Variants in LYSMD1 observed in about 807,000 individuals in gnomAD.
The protein encoded by LYSMD1 is lysM and putative peptidoglycan-binding domain-containing protein 1.
Under a neutral mutation model 19.3 loss-of-function variants are expected in LYSMD1, and 9 were observed. That is an observed-to-expected ratio of 0.47 (90% CI 0.28 to 0.81). LYSMD1 has a LOEUF of 0.81. Among genes scored for constraint, LYSMD1 ranks in the 40% least tolerant of loss-of-function variants. The pLI is 0.11. For missense variants in LYSMD1, 262 were observed against 279.8 expected (o/e 0.94, Z 0.45); for synonymous variants, 111 against 111.7 (o/e 0.99, Z 0.04).
At chr1:151,158,729 T>G, downstream of LYSMD1, 1 of 1,610,754 alleles carries the variant, frequency 6.2e-7, no homozygotes, top group Admixed American at 1.7e-5. Flanking sequence ...AGCCTGGCAC[T>G]GCAAGCAGAG....
the LYSMD1 span, among the ~76,000 whole-genome samples, chr1:151,152,430 G>A: frequency 1.3e-4 from 19 of 148,416 alleles, no homozygotes; most frequent in Admixed American, 4.1e-4. Context: ...GGACAGGCAC[G>A]GTGGTTCACA....
At chr1:151,164,690 TAG>T (rs1480048661) in intron 1 of LYSMD1, among the ~76,000 whole-genome samples, 1 of 152,204 alleles carries the variant, frequency 6.6e-6, no homozygotes, top group African/African-American at 2.4e-5. Flanking sequence ...GTGTGGTTAA[TAG>T]AGTCAGACAG....
At chr1:151,152,071 G>C in the LYSMD1 span, among the ~76,000 whole-genome samples, 1 of 151,362 alleles carries the variant, frequency 6.6e-6, no homozygotes. Context: ...ATGGCTCAGA[G>C]GAAAAACAAC....
chr1:151,158,090 C>T (rs1447874354), downstream of LYSMD1, among the ~76,000 whole-genome samples: 8 of 151,844 alleles, frequency 5.3e-5, no homozygotes, highest in South Asian at 8.3e-4. Flanking sequence ...TTTGGGAGGC[C>T]GAGGTGGGCA....
chr1:151,148,676 G>C, the LYSMD1 span, among the ~76,000 whole-genome samples: 3 of 152,136 alleles, frequency 2.0e-5, no homozygotes, highest in Non-Finnish European at 4.4e-5. Context: ...GGAAAACTTT[G>C]GTGGGAGTTG....
At chr1:151,158,871 C>T (rs746672859), downstream of LYSMD1, 64 of 1,614,086 alleles carry the variant, frequency 4.0e-5, no homozygotes, top group African/African-American at 9.3e-5. Context: ...AGGCCCAGCG[C>T]GTGATCAAGG....
chr1:151,151,592 T>C, the LYSMD1 span, among the ~76,000 whole-genome samples: 4 of 151,894 alleles, frequency 2.6e-5, no homozygotes, highest in Admixed American at 2.6e-4. Flanking sequence ...CAATTGCTTA[T>C]TGGATACTTC....
the LYSMD1 span, among the ~76,000 whole-genome samples, chr1:151,152,878 G>A: frequency 6.6e-6 from 1 of 152,152 alleles, no homozygotes; most frequent in Non-Finnish European, 1.5e-5. Flanking sequence ...ACATCGGACT[G>A]TTCCATCCTG....
chr1:151,156,753 C>T (rs1305364170), downstream of LYSMD1: 2 of 152,234 alleles, frequency 1.3e-5, no homozygotes, highest in Non-Finnish European at 2.9e-5. Context: ...GAATGGTAGA[C>T]TTTAGGGGTA....
chr1:151,165,565 A>T lies in LYSMD1; in HGVS notation c.-307T>A. 1 of 1,469,396 alleles carries T rather than the reference A, an allele frequency of 6.8e-7. No homozygotes were observed. The highest frequency in any genetic ancestry group is 9.0e-7 in the Non-Finnish European group (1 of 1,116,446). The allele number at this position is 1,469,396 out of a possible 1,614,324, so 91.0% of individuals were successfully genotyped here. A position where few individuals can be genotyped will look rare whatever the true frequency, so the allele number is the denominator to read the frequency against. ...TGACCTCTGACCTTTGAACTCTAGA[A>T]ATAATCCTCAACACTCTTTCCTCAG... On this transcript the variant is annotated 5_prime_UTR_variant, in exon 1 of 3. Transcript: ENST00000368908.
chr1:151,157,490 AG>A (rs1304033036), downstream of LYSMD1, among the ~76,000 whole-genome samples: 1 of 152,174 alleles, frequency 6.6e-6, no homozygotes, highest in Non-Finnish European at 1.5e-5. Context: ...TGCCACCAAG[AG>A]GGTCCTGAGT....
chr1:151,164,692 G>A (rs114563092), intron 1 of LYSMD1, among the ~76,000 whole-genome samples: 1 of 152,170 alleles, frequency 6.6e-6, no homozygotes, highest in African/African-American at 2.4e-5. Flanking sequence ...GTGGTTAATA[G>A]AGTCAGACAG....
chr1:151,158,691 A>G (rs1683316725), downstream of LYSMD1: 1 of 1,588,674 alleles, frequency 6.3e-7, no homozygotes. Flanking sequence ...CCCACTCTCC[A>G]GGACCCATGG....
downstream of LYSMD1, chr1:151,158,572 A>C (rs1213777987): frequency 1.0e-6 from 1 of 988,486 alleles, no homozygotes; most frequent in Non-Finnish European, 1.5e-6. Flanking sequence ...GAGGATGACA[A>C]ACAAAGATGA....
At chr1:151,161,561 C>T (rs2101688323) in intron 2 of LYSMD1, among the ~76,000 whole-genome samples, 175 bp downstream of exon 2, 1 of 152,224 alleles carries the variant, frequency 6.6e-6, no homozygotes, top group South Asian at 2.1e-4. Flanking sequence ...TTTTCCACTG[C>T]CTCTACCCAG....
chr1:151,158,467 C>T (rs587617179), downstream of LYSMD1, among the ~76,000 whole-genome samples: 2 of 152,040 alleles, frequency 1.3e-5, no homozygotes, highest in African/African-American at 4.8e-5. Flanking sequence ...TCGCCACTCC[C>T]GTGGGCTGTT....
chr1:151,152,213 T>C, the LYSMD1 span, among the ~76,000 whole-genome samples: 1 of 151,450 alleles, frequency 6.6e-6, no homozygotes, highest in Non-Finnish European at 1.5e-5. Context: ...CTGGCTAACA[T>C]GGTGAAACCC....
intron 1 of LYSMD1, among the ~76,000 whole-genome samples, chr1:151,162,701 G>A (rs1264151542): frequency 6.6e-6 from 1 of 152,106 alleles, no homozygotes; most frequent in African/African-American, 2.4e-5. Context: ...GCCTCCCAAG[G>A]TAGAAACATC....
chr1:151,149,351 C>G, the LYSMD1 span, among the ~76,000 whole-genome samples: 1 of 151,988 alleles, frequency 6.6e-6, no homozygotes, highest in East Asian at 1.9e-4. Flanking sequence ...GAGCCAAGAT[C>G]GTGCCACTGC....
Sources: gnomAD v4.1 joint callset for allele counts (sites outside exome capture counted in the v4.1 genomes callset) on GRCh38, gnomAD v4.1.1 for gene constraint, MANE v1.5 for transcripts, NCBI Gene and HGNC (gene_info 2026-07-23, HGNC 2026-07-21) for gene names.